ASTL: variants seen among roughly 807,000 people sequenced by gnomAD.
ASTL encodes astacin-like metalloendopeptidase.
Under a neutral mutation model 36.7 loss-of-function variants are expected in ASTL, and 27 were observed. The ratio of observed to expected loss-of-function variants is 0.73; its 90% CI spans 0.54 to 1.01. The LOEUF (loss-of-function observed/expected upper bound fraction) is 1.01, where lower values mean the gene tolerates loss of function less well. ASTL is among the 50% of genes least tolerant of loss of function. The pLI is 0.00. For missense variants in ASTL, 524 were observed against 572.8 expected (o/e 0.91, Z 0.87); for synonymous variants, 222 against 228.1 (o/e 0.97, Z 0.24).
Position 96,127,799 on chromosome 2 carries a change from C to T in ASTL, c.874+2025G>A, listed in dbSNP as rs368052413. 1.2e-4 allele frequency among the ~76,000 whole-genome samples: 19 copies of T among 152,244 alleles called. No individual in the cohort carries two copies. The East Asian group carries it at 3.7e-3, about 29-fold the overall frequency. On this transcript the variant is annotated intron_variant, in intron 8 of 8. Coordinates refer to ENST00000342380, the MANE Select transcript of ASTL (RefSeq NM_001002036.4). ...ATATGTTGTCCAGGCTGGTTTTGAACTCCTAAGCTCAAGCGATCCACCCAC... is the reference window on the plus strand; with the variant it reads ...ATATGTTGTCCAGGCTGGTTTTGAATTCCTAAGCTCAAGCGATCCACCCAC...
chr2:96,137,956 G>A (rs1558718807), intron 1 of ASTL, among the ~76,000 whole-genome samples: 1 of 152,188 alleles, frequency 6.6e-6, no homozygotes, highest in Non-Finnish European at 1.5e-5. Context: ...ATGAGGTAGA[G>A]GAGGGGCAGG....
At position 96,132,557 on chromosome 2, in the gene ASTL, C is replaced by T; in HGVS notation, c.620G>A (p.Trp207Ter). The change falls in exon 6 of 9, where the codon TGG becomes TAG. Residue 207 changes from tryptophan (W) to a stop codon, truncating the protein, a stop_gained. Coordinates refer to ENST00000342380, the MANE Select transcript of ASTL (RefSeq NM_001002036.4). LOFTEE classifies it high-confidence loss of function. The surrounding 1 kb of genome is among the most constrained non-coding windows in gnomAD (Gnocchi z 5.4). ...TGGCTCACCTGGCAGGATCTCGTTCCAGTTGACACGGATATAGCGGTCCCG... is the reference window on the plus strand; with the variant it reads ...TGGCTCACCTGGCAGGATCTCGTTCTAGTTGACACGGATATAGCGGTCCCG... ...ADRDRYIRVN[W>*]NEILPGFEIN... 6.2e-7 allele frequency: 1 copy of T among 1,600,492 alleles called. No homozygotes were observed. Among genetic ancestry groups the T allele is most frequent in the Non-Finnish European group, 8.6e-7 (1 of 1,169,354 alleles).
chr2:96,135,717 CTG>C (rs537632872), intron 2 of ASTL, among the ~76,000 whole-genome samples: 85 of 152,300 alleles, frequency 5.6e-4, no homozygotes, highest in African/African-American at 2.0e-3. Context: ...CCTCTCCTGA[CTG>C]TGGAGCTAGA....
chr2:96,138,266 C>T (rs1682346439), intron 1 of ASTL, 116 bp downstream of exon 1: 2 of 986,106 alleles, frequency 2.0e-6, no homozygotes. Flanking sequence ...GAGCTCTGTG[C>T]TCTGAGCTAC....
rs758481949 is a variant in ASTL, at chr2:96,132,963, T to G, written c.456-242A>C. 1.3e-5 allele frequency among the ~76,000 whole-genome samples: 2 copies of G among 152,124 alleles called. No individual in the cohort carries two copies. The highest frequency in any genetic ancestry group is 2.4e-5 in the African/African-American group (1 of 41,410). On this transcript the variant is annotated intron_variant, in intron 5 of 8. Coordinates refer to ENST00000342380, the MANE Select transcript of ASTL (RefSeq NM_001002036.4). The surrounding 1 kb of genome is among the most constrained non-coding windows in gnomAD (Gnocchi z 5.4). ...TGCAGGGAGGCTGCAGAAACTGATA[T>G]ATGAACACAGAGGACAGAAGCAGCT...
In ASTL at chr2:96,124,402, C is replaced by T. The variant is rs1390610163; in HGVS notation, c.875-131G>A. On this transcript the variant is annotated intron_variant, in intron 8 of 8. Transcript: ENST00000342380. This position sits in a 1 kb window ranked among gnomAD's most constrained non-coding sequence, Gnocchi z 4.1. ...ATGCCACGGCCTAGTGCATCCAAGACCCAGATTCCCACCCTACCAGAGACC... is the reference window on the plus strand; with the variant it reads ...ATGCCACGGCCTAGTGCATCCAAGATCCAGATTCCCACCCTACCAGAGACC... The T allele has an allele frequency of 9.9e-6, 7 of 704,946 alleles. No homozygotes were observed. 43.7% of individuals were successfully genotyped at this position (704,946 alleles called of 1,614,324 possible).
chr2:96,137,449 C>A, intron 2 of ASTL, 126 bp downstream of exon 2: 1 of 1,174,998 alleles, frequency 8.5e-7, no homozygotes, highest in Admixed American at 2.1e-5. Flanking sequence ...CTCTTAAAAA[C>A]CACTTAGAGC....
chr2:96,127,697 C>T (rs1177901589), intron 8 of ASTL, among the ~76,000 whole-genome samples: 2 of 152,090 alleles, frequency 1.3e-5, no homozygotes, highest in Non-Finnish European at 2.9e-5. Flanking sequence ...CCTCAGCCTC[C>T]CTGAGTAGGT....
Position 96,135,431 on chromosome 2 carries a change from C to A in ASTL, c.182-19G>T, listed in dbSNP as rs745481743. ...ATGAGCCCTGGGAAAGGAAGAAGGACGTGTTGGCCCATGTCCCCCAGAACA... is the reference window on the plus strand; with the variant it reads ...ATGAGCCCTGGGAAAGGAAGAAGGAAGTGTTGGCCCATGTCCCCCAGAACA... On this transcript the variant is annotated intron_variant, in intron 2 of 8. Transcript: ENST00000342380. The A allele has an allele frequency of 4.0e-5, 65 of 1,613,156 alleles. No individual in the cohort carries two copies. Among genetic ancestry groups the A allele is most frequent in the Non-Finnish European group, 5.3e-5 (63 of 1,179,516 alleles).
In ASTL at chr2:96,130,024, G is replaced by T. The variant is rs1327770829; in HGVS notation, c.719+40C>A. On this transcript the variant is annotated intron_variant, in intron 7 of 8. Transcript: ENST00000342380. ...CCTGAGTCCAGATCACCACGGGAGA[G>T]GCTGGGGGAAGCAGAGGGAGAAGAA... 1.9e-6 allele frequency: 3 copies of T among 1,613,484 alleles called. No individual in the cohort carries two copies. The African/African-American group carries it at 4.0e-5, about 22-fold the overall frequency.
Position 96,124,234 on chromosome 2 carries a change from C to T in ASTL, c.912G>A (p.Pro304=), listed in dbSNP as rs183967306. The T allele has an allele frequency of 5.7e-3, 8,706 of 1,514,630 alleles. 44 individuals carry two copies. The highest frequency in any genetic ancestry group is 9.9e-3 in the Admixed American group (437 of 44,188). 93.8% of individuals were successfully genotyped at this position (1,514,630 alleles called of 1,614,324 possible). A position where few individuals can be genotyped will look rare whatever the true frequency, so the allele number is the denominator to read the frequency against. The part of the protein sequence containing the change: ...HAHSTGRSPA[P]ASLSLQRLLE... ...AAAGCCGCTGCAGAGATAGGGAGGC[C>T]GGAGCGGGGCTCCTACCAGTGCTGT... The change falls in exon 9 of 9, where the codon CCG becomes CCA. Residue 304 remains proline (P), a synonymous_variant. Coordinates refer to ENST00000342380, the MANE Select transcript of ASTL (RefSeq NM_001002036.4). The surrounding 1 kb of genome is among the most constrained non-coding windows in gnomAD (Gnocchi z 4.1).
At chr2:96,130,029 G>T (rs556646524) in intron 7 of ASTL, 35 bp downstream of exon 7, 1 of 1,613,658 alleles carries the variant, frequency 6.2e-7, no homozygotes, top group African/African-American at 1.3e-5. Flanking sequence ...GGAGAGGCTG[G>T]GGGAAGCAGA....
At chr2:96,138,262 T>C in intron 1 of ASTL, 120 bp downstream of exon 1, 1 of 951,444 alleles carries the variant, frequency 1.1e-6, no homozygotes, top group Non-Finnish European at 1.6e-6. Flanking sequence ...TGGAGAGCTC[T>C]GTGCTCTGAG....
rs1682200023 is a variant in ASTL at position 96,132,472 on chromosome 2, G to A, written c.637+68C>T. ...GGATAGCCTCACCCATGGGGACCAG[G>A]CGACTTGGGCCCAAGCCGTGCTGTC... On this transcript the variant is annotated intron_variant, in intron 6 of 8. Transcript: ENST00000342380. The surrounding 1 kb of genome is among the most constrained non-coding windows in gnomAD (Gnocchi z 5.4). The A allele has an allele frequency of 3.5e-6, 5 of 1,448,876 alleles. No homozygotes were observed. The highest frequency in any genetic ancestry group is 4.7e-6 in the Non-Finnish European group (5 of 1,071,028). The allele number at this position is 1,448,876 out of a possible 1,614,324, so 89.8% of individuals were successfully genotyped here. A position where few individuals can be genotyped will look rare whatever the true frequency, so the allele number is the denominator to read the frequency against.
At chr2:96,137,836 C>T (rs746656096) in intron 1 of ASTL, 136 bp from the exon 2 acceptor site, 1 of 886,120 alleles carries the variant, frequency 1.1e-6, no homozygotes, top group Non-Finnish European at 1.7e-6. Flanking sequence ...CAGCACAAAG[C>T]CAAGGAGCCT....
Position 96,129,912 on chromosome 2 carries a change from G to T in ASTL, c.786C>A (p.Gly262=). ...TPLWAPSVHI[G]QRWNLSASDI... ...CCGAGGCACTCAGGTTCCATCGCTG[G>T]CCGATGTGGACACTGGGGGCCCAAA... The change falls in exon 8 of 9, where the codon GGC becomes GGA. Residue 262 remains glycine, a synonymous_variant. Coordinates refer to ENST00000342380, the MANE Select transcript of ASTL (RefSeq NM_001002036.4). 6.2e-7 allele frequency: 1 copy of T among 1,606,662 alleles called. No individual in the cohort carries two copies. The highest frequency in any genetic ancestry group is 8.5e-7 in the Non-Finnish European group (1 of 1,174,650).
chr2:96,132,407 C>G lies in ASTL; in HGVS notation c.637+133G>C. On this transcript the variant is annotated intron_variant, in intron 6 of 8. Transcript: ENST00000342380. The surrounding 1 kb of genome is among the most constrained non-coding windows in gnomAD (Gnocchi z 5.4). ...CAGGTACCAGACAGAAGTGAGACCC[C>G]CACCTTCCCCACAGGAAGCAGGCAG... 1.2e-6 allele frequency: 1 copy of G among 802,274 alleles called. No individual in the cohort carries two copies. Among genetic ancestry groups the G allele is most frequent in the Non-Finnish European group, 1.9e-6 (1 of 524,124 alleles). 49.7% of individuals were successfully genotyped at this position (802,274 alleles called of 1,614,324 possible). A position where few individuals can be genotyped will look rare whatever the true frequency, so the allele number is the denominator to read the frequency against.
rs762671944 is a variant in ASTL, at chr2:96,138,481, C to T, written c.-45G>A. 1 of 1,551,536 alleles carries T rather than the reference C, an allele frequency of 6.4e-7. No homozygotes were observed. Among genetic ancestry groups the T allele is most frequent in the Non-Finnish European group, 8.8e-7 (1 of 1,131,878 alleles). On this transcript the variant is annotated 5_prime_UTR_variant, in exon 1 of 9. Transcript: ENST00000342380. ...TTCAGCAAACAAGACCAAGCCCCAG[C>T]AAGACACAGTAACCTAATTGCAGAA... is the stretch of plus-strand genomic sequence containing the variant.
rs72935891 is a variant in ASTL at position 96,123,792 on chromosome 2, C to T, written c.*58G>A. On this transcript the variant is annotated 3_prime_UTR_variant, in exon 9 of 9. Transcript: ENST00000342380. ...TGGCCCAAAGGAGCCAAGAGGTAGA[C>T]GACCCAGCTCCACTGGGCAGAGGAT... is the stretch of plus-strand genomic sequence containing the variant. 4.2e-4 allele frequency: 624 copies of T among 1,482,342 alleles called. 2 individuals are homozygous for T. The African/African-American group carries it at 6.3e-3, about 15-fold the overall frequency. 91.8% of individuals were successfully genotyped at this position (1,482,342 alleles called of 1,614,324 possible). A position where few individuals can be genotyped will look rare whatever the true frequency, so the allele number is the denominator to read the frequency against.
Sources: gnomAD v4.1 joint callset for allele counts (sites outside exome capture counted in the v4.1 genomes callset) on GRCh38, gnomAD v4.1.1 for gene constraint, Gnocchi (gnomAD v3.1) non-coding constraint, MANE v1.5 for transcripts, NCBI Gene and HGNC (gene_info 2026-07-23, HGNC 2026-07-21) for gene names.